The following AP1B1 variants were observed in gnomAD, a reference collection of about 807,000 sequenced individuals.
The protein encoded by AP1B1 is adaptor related protein complex 1 subunit beta 1, also known as AP-1 complex subunit beta-1.
AP1B1 carries 36 observed loss-of-function variants against 104.3 expected under a neutral mutation model. The ratio of observed to expected loss-of-function variants is 0.35; its 90% confidence interval spans 0.26 to 0.46. AP1B1 has a LOEUF of 0.46. Ranked by LOEUF, AP1B1 falls within the 20% of genes least tolerant of loss-of-function variation. The probability of loss-of-function intolerance (pLI) is 1.00; values close to 1 mark genes in which losing one functional copy is unlikely to be tolerated. For missense variants in AP1B1, 901 were observed against 1,247.9 expected (o/e 0.72, Z 4.19); for synonymous variants, 504 against 517.5 (o/e 0.97, Z 0.35).
intron 1 of AP1B1, among the ~76,000 whole-genome samples, chr22:29,369,991 T>C (rs2062206772): frequency 6.6e-6 from 1 of 151,946 alleles, no homozygotes; most frequent in Non-Finnish European, 1.5e-5. Flanking sequence ...GTTCCAGAAG[T>C]CACAGACTTG....
At chr22:29,352,774 A>G (rs141409512) in intron 7 of AP1B1, among the ~76,000 whole-genome samples, 44 of 152,254 alleles carry the variant, frequency 2.9e-4, no homozygotes, top group Non-Finnish European at 4.6e-4. Context: ...AAAAATATAT[A>G]TATTTAAAAA....
intron 11 of AP1B1, 112 bp downstream of exon 11, chr22:29,349,106 C>G: frequency 7.8e-7 from 1 of 1,279,610 alleles, no homozygotes; most frequent in Non-Finnish European, 1.1e-6. Context: ...ACTCATCTGT[C>G]TGTCAGGGCT....
At chr22:29,330,577 C>A (rs1442573386) in intron 20 of AP1B1, 45 bp from the exon 21 acceptor site, 1 of 1,612,692 alleles carries the variant, frequency 6.2e-7, no homozygotes, top group African/African-American at 1.3e-5. Flanking sequence ...AGCGCGGGGG[C>A]CTGGGTACAG....
At chr22:29,364,360 A>G (rs892552961) in intron 2 of AP1B1, among the ~76,000 whole-genome samples, 5 of 152,226 alleles carry the variant, frequency 3.3e-5, no homozygotes, top group African/African-American at 9.6e-5. Flanking sequence ...CCATGGACAG[A>G]TAGTCAGGAC....
At chr22:29,382,088 G>A (rs773777929) in intron 1 of AP1B1, among the ~76,000 whole-genome samples, 8 of 151,830 alleles carry the variant, frequency 5.3e-5, no homozygotes, top group Non-Finnish European at 1.2e-4. Flanking sequence ...AGATAGTCTT[G>A]CTCTGTCACC....
chr22:29,376,732 T>C (rs1268174543), intron 1 of AP1B1, among the ~76,000 whole-genome samples: 1 of 152,154 alleles, frequency 6.6e-6, no homozygotes, highest in Non-Finnish European at 1.5e-5. Flanking sequence ...GTTCATTCCA[T>C]GTGTTTTGCT....
At chr22:29,342,880 C>G (rs760238017) in intron 11 of AP1B1, among the ~76,000 whole-genome samples, 1 of 152,242 alleles carries the variant, frequency 6.6e-6, no homozygotes, top group Non-Finnish European at 1.5e-5. Flanking sequence ...GCCCCTGCCA[C>G]ATGCCTGGAC....
intron 1 of AP1B1, among the ~76,000 whole-genome samples, chr22:29,380,150 A>C: frequency 6.6e-6 from 1 of 152,152 alleles, no homozygotes; most frequent in Non-Finnish European, 1.5e-5. Flanking sequence ...ATTTGACACT[A>C]CTGATCACTC....
In AP1B1 at chr22:29,342,327, C is replaced by G; in HGVS notation, c.1494G>C (p.Glu498Asp). The G allele has an allele frequency of 6.2e-7, 1 of 1,614,136 alleles. No individual in the cohort carries two copies. The highest frequency in any genetic ancestry group is 8.5e-7 in the Non-Finnish European group (1 of 1,180,012). Reference sequence around the variant, plus strand: ...GGACCTGCTGCACCAGCTCCTGGGTCTCTGTTGGCTTCTTTAGAAAGAGTT... The same window carrying G: ...GGACCTGCTGCACCAGCTCCTGGGTGTCTGTTGGCTTCTTTAGAAAGAGTT... ...IVKLFLKKPT[E>D]TQELVQQVLS... Residue 498 changes from glutamate (E) to aspartate (D), a missense_variant, in exon 12 of 23, where the codon GAG becomes GAC. Glu to Asp is a conservative substitution (Grantham distance 45, BLOSUM62 2). Transcript: ENST00000357586.
chr22:29,375,132 C>T (rs1173605358), intron 1 of AP1B1, among the ~76,000 whole-genome samples: 2 of 152,100 alleles, frequency 1.3e-5, no homozygotes, highest in Admixed American at 1.3e-4. Context: ...AGGTGGATCA[C>T]AAGGTCAGGA....
At chr22:29,331,756 G>T in intron 18 of AP1B1, 31 bp downstream of exon 18, 1 of 1,614,168 alleles carries the variant, frequency 6.2e-7, no homozygotes. Flanking sequence ...GGTGAGTAAG[G>T]ACTGGGGTGC....
chr22:29,339,115 C>T lies in AP1B1; in HGVS notation c.2038G>A (p.Val680Met), dbSNP rs759149457. 1.4e-5 allele frequency: 22 copies of T among 1,613,940 alleles called. No homozygotes were observed. The highest frequency in any genetic ancestry group is 3.3e-5 in the South Asian group (3 of 91,066). ...EPEGIGGTNF[V>M]APPTAAVPAN... ...GGTACTGCTGCTGTTGGAGGTGCCA[C>T]GAAGTTGGTGCCCCCAATCTGGAAA... is the stretch of plus-strand genomic sequence containing the variant. Residue 680 changes from valine to methionine, a missense_variant, in exon 16 of 23, where the codon GTG (valine) becomes ATG (methionine). Physicochemically the swap from Val to Met is conservative, Grantham distance 21 (BLOSUM62 1). Around this residue, in one of 3 missense-constraint regions of AP1B1, gnomAD observed 424 missense variants for 494.0 expected, o/e 0.86. Transcript: ENST00000357586.
chr22:29,339,255 A>AT, intron 15 of AP1B1, 122 bp from the exon 16 acceptor site: 1 of 1,118,018 alleles, frequency 8.9e-7, no homozygotes, highest in East Asian at 2.4e-5. Flanking sequence ...GACAGCCTCC[A>AT]TATCAACTCT....
At position 29,384,253 on chromosome 22, in the gene AP1B1, T is replaced by G. The variant is rs546332116; in HGVS notation, c.-28+4171A>C. ...TTACTACTACCGAGAGAGAGAGAGT[T>G]TACCACTTCCCTGCTCCGTACCAGA... On this transcript the variant is annotated intron_variant, in intron 1 of 22. Transcript: ENST00000357586. Among the ~76,000 whole-genome samples the G allele has an allele frequency of 3.3e-5, 5 of 151,896 alleles. No individual in the cohort carries two copies. The South Asian group carries it at 1.0e-3, about 32-fold the overall frequency.
chr22:29,339,132 A>C lies in AP1B1; in HGVS notation c.2021T>G (p.Ile674Ser). The C allele has an allele frequency of 6.2e-7, 1 of 1,614,126 alleles. No individual in the cohort carries two copies. Among genetic ancestry groups the C allele is most frequent in the Non-Finnish European group, 8.5e-7 (1 of 1,180,022 alleles). Reference protein sequence around the residue: ...DSLMGDEPEGIGGTNFVAPPT... With the variant: ...DSLMGDEPEGSGGTNFVAPPT... ...AGGTGCCACGAAGTTGGTGCCCCCAATCTGGAAAGGGAGGGAAAGAGTCAG... is the reference window on the plus strand; with the variant it reads ...AGGTGCCACGAAGTTGGTGCCCCCACTCTGGAAAGGGAGGGAAAGAGTCAG... The change falls in exon 16 of 23, where the codon ATT becomes AGT. Residue 674 changes from isoleucine (I) to serine (S), a missense_variant and splice_region_variant. By Grantham distance (142) the Ile-to-Ser change is moderately radical. This residue lies in a region of AP1B1 where 424 missense variants were observed against 494.0 expected (regional missense o/e 0.86). Coordinates refer to ENST00000357586, the MANE Select transcript of AP1B1 (RefSeq NM_001127.4).
At chr22:29,344,915 AG>A (rs1232641699) in intron 11 of AP1B1, among the ~76,000 whole-genome samples, 12 of 152,194 alleles carry the variant, frequency 7.9e-5, no homozygotes, top group Non-Finnish European at 1.6e-4. Context: ...ATAATTGTCA[AG>A]CCCGGTGCAG....
chr22:29,387,305 C>CT (rs1014176421), intron 1 of AP1B1, among the ~76,000 whole-genome samples: 6,524 of 128,050 alleles, frequency 0.051, 245 homozygotes, highest in Non-Finnish European at 0.076. Flanking sequence ...AGCTAAAAAT[C>CT]TTTTTTTTTT....
Position 29,341,568 on chromosome 22 carries a change from G to A in AP1B1, c.1729C>T (p.Pro577Ser). Residue 577 changes from proline to serine, a missense_variant, in exon 13 of 23, where the codon CCT becomes TCT. Transcript: ENST00000357586. ...IGTLASVYHK[P>S]PSAFVEGGRG... Reference sequence around the variant, plus strand: ...CCCCCCTCCACAAAGGCACTGGGAGGCTTATGGTAGACGGAAGCCAGCGTG... The same window carrying A: ...CCCCCCTCCACAAAGGCACTGGGAGACTTATGGTAGACGGAAGCCAGCGTG... 6.2e-7 allele frequency: 1 copy of A among 1,614,206 alleles called. No homozygotes were observed. Among genetic ancestry groups the A allele is most frequent in the East Asian group, 2.2e-5 (1 of 44,888 alleles).
intron 1 of AP1B1, among the ~76,000 whole-genome samples, chr22:29,371,513 C>T (rs1017717427): frequency 2.6e-5 from 4 of 152,012 alleles, no homozygotes; most frequent in African/African-American, 4.8e-5. Context: ...GGGCAGATCA[C>T]GAGGTCAGGA....
Sources: gnomAD v4.1 joint callset for allele counts (sites outside exome capture counted in the v4.1 genomes callset) on GRCh38, gnomAD v4.1.1 for gene constraint, gnomAD v4.1.1 regional missense constraint, MANE v1.5 for transcripts, NCBI Gene and HGNC (gene_info 2026-07-23, HGNC 2026-07-21) for gene names.